EYS: variants seen among roughly 807,000 people sequenced by gnomAD.
EYS encodes EGF-like photoreceptor maintenance factor.
Under a neutral mutation model 282.1 loss-of-function variants are expected in EYS, and 250 were observed. That is an observed-to-expected ratio of 0.89 (90% CI 0.80 to 0.98). The LOEUF is 0.98. Ranked by LOEUF, EYS falls within the 50% of genes least tolerant of loss-of-function variation. EYS has a pLI of 0.00. For synonymous variants in EYS, 1,355 were observed against 1,282.9 expected, an observed-to-expected ratio of 1.06 and a Z score of -1.20; for missense variants, 4,016 against 3,709.0, an observed-to-expected ratio of 1.08 and a Z score of -2.15.
chr6:64,803,977 G>C (rs1259613475), intron 22 of EYS, among the ~76,000 whole-genome samples: 1 of 152,292 alleles, frequency 6.6e-6, no homozygotes, highest in East Asian at 1.9e-4. Context: ...GCGCCCGGGA[G>C]GGTAGGGCTC....
chr6:65,441,048 AAAT>A (rs1768304232), intron 5 of EYS, among the ~76,000 whole-genome samples: 2 of 149,646 alleles, frequency 1.3e-5, no homozygotes, highest in East Asian at 1.9e-4. Context: ...TGCTTCAGAA[AAAT>A]AATAAGATTA....
At chr6:65,108,003 T>C (rs113775376) in intron 12 of EYS, among the ~76,000 whole-genome samples, 4,014 of 152,216 alleles carry the variant, frequency 0.026, 61 homozygotes, top group African/African-American at 0.042. Context: ...ATTCTTGTTT[T>C]ATACAATCAT....
intron 26 of EYS, among the ~76,000 whole-genome samples, chr6:64,586,431 A>C (rs1464273117): frequency 6.6e-6 from 1 of 152,126 alleles, no homozygotes; most frequent in Non-Finnish European, 1.5e-5. Flanking sequence ...TGTATACATA[A>C]GGCATTTTGA....
intron 41 of EYS, among the ~76,000 whole-genome samples, chr6:63,736,211 T>C (rs1241157122): frequency 6.6e-6 from 1 of 152,242 alleles, no homozygotes; most frequent in Non-Finnish European, 1.5e-5. Context: ...AGGGTTTTTA[T>C]GGTTTTAGGT....
intron 28 of EYS, among the ~76,000 whole-genome samples, chr6:64,403,902 T>A (rs763030598): frequency 6.6e-6 from 1 of 152,156 alleles, no homozygotes; most frequent in Non-Finnish European, 1.5e-5. Flanking sequence ...AACTGGATTT[T>A]TTCAGAGGAA....
At chr6:65,392,716 T>C (rs1766095357) in intron 7 of EYS, among the ~76,000 whole-genome samples, 1 of 151,902 alleles carries the variant, frequency 6.6e-6, no homozygotes, top group African/African-American at 2.4e-5. Context: ...ACTTTTACAC[T>C]GTTGGTGGGA....
At chr6:64,264,984 AC>A (rs1259554045) in intron 30 of EYS, among the ~76,000 whole-genome samples, 1 of 152,118 alleles carries the variant, frequency 6.6e-6, no homozygotes, top group African/African-American at 2.4e-5. Flanking sequence ...AGGATATTTT[AC>A]ACCCAATCTG....
intron 33 of EYS, among the ~76,000 whole-genome samples, chr6:64,010,424 G>GGGA (rs1768565868): frequency 6.6e-6 from 1 of 151,684 alleles, no homozygotes; most frequent in African/African-American, 2.4e-5. Context: ...GGAGAGAAGG[G>GGGA]GGACAGGGCT....
At chr6:63,927,978 A>G (rs566087030) in intron 35 of EYS, among the ~76,000 whole-genome samples, 2 of 152,262 alleles carry the variant, frequency 1.3e-5, no homozygotes, top group African/African-American at 4.8e-5. Context: ...AGTCTCATGC[A>G]TTTTCCACTA....
At chr6:64,532,424 T>A (rs1032715596) in intron 26 of EYS, among the ~76,000 whole-genome samples, 1 of 152,122 alleles carries the variant, frequency 6.6e-6, no homozygotes, top group African/African-American at 2.4e-5. Flanking sequence ...TTTAAAATAT[T>A]CTAGGCCGGG....
intron 35 of EYS, among the ~76,000 whole-genome samples, chr6:63,875,686 T>C (rs1431060316): frequency 1.3e-5 from 2 of 152,224 alleles, no homozygotes; most frequent in African/African-American, 4.8e-5. Flanking sequence ...AACTTCTTCC[T>C]GGTTTAGTCT....
chr6:64,614,890 T>A, intron 24 of EYS, among the ~76,000 whole-genome samples: 1 of 152,098 alleles, frequency 6.6e-6, no homozygotes, highest in Admixed American at 6.6e-5. Context: ...ATCGAATAAT[T>A]GTAAATTAGT....
intron 7 of EYS, among the ~76,000 whole-genome samples, chr6:65,398,655 A>T (rs1766380219): frequency 6.6e-6 from 1 of 152,088 alleles, no homozygotes; most frequent in African/African-American, 2.4e-5. Context: ...CTGCACAGCA[A>T]GTTTCCTGGT....
intron 22 of EYS, among the ~76,000 whole-genome samples, chr6:64,785,670 C>A (rs980442690): frequency 1.3e-5 from 2 of 152,144 alleles, no homozygotes; most frequent in African/African-American, 4.8e-5. Flanking sequence ...GTAATAGTAT[C>A]ATAACCTGAT....
chr6:64,363,154 C>A (rs1015619822), intron 29 of EYS, among the ~76,000 whole-genome samples: 3 of 151,704 alleles, frequency 2.0e-5, no homozygotes, highest in African/African-American at 4.8e-5. Context: ...CTGATATAAT[C>A]CTGCAATATT....
chr6:65,394,282 A>G (rs1486870589), intron 7 of EYS, among the ~76,000 whole-genome samples: 8 of 151,966 alleles, frequency 5.3e-5, no homozygotes, highest in Non-Finnish European at 5.9e-5. Flanking sequence ...GTAGTTCATG[A>G]TAATCTTCAA....
At chr6:65,556,615 A>G (rs1287970576) in intron 2 of EYS, among the ~76,000 whole-genome samples, 2 of 152,162 alleles carry the variant, frequency 1.3e-5, no homozygotes, top group Non-Finnish European at 2.9e-5. Flanking sequence ...AATTGATGAA[A>G]TCTTTACAAT....
intron 22 of EYS, among the ~76,000 whole-genome samples, chr6:64,697,944 A>G (rs1770641369): frequency 6.6e-6 from 1 of 150,976 alleles, no homozygotes; most frequent in Non-Finnish European, 1.5e-5. Context: ...CCGTCTCAAA[A>G]CAAACAAACA....
intron 30 of EYS, among the ~76,000 whole-genome samples, chr6:64,303,569 G>A (rs895391502): frequency 2.0e-5 from 3 of 152,072 alleles, no homozygotes; most frequent in Non-Finnish European, 4.4e-5. Flanking sequence ...ATAGCCGGGC[G>A]CGGTGGCTCA....
Sources: allele counts gnomAD v4.1 joint callset (sites outside exome capture counted in the v4.1 genomes callset), GRCh38; gene constraint gnomAD v4.1.1; transcripts MANE v1.5; gene names NCBI Gene and HGNC (gene_info 2026-07-23, HGNC 2026-07-21).